Variants in KLHL1 observed in about 807,000 individuals in gnomAD.
KLHL1 encodes the protein kelch-like protein 1.
KLHL1 carries 47 observed loss-of-function variants against 77.7 expected under a neutral mutation model. That is an observed-to-expected ratio of 0.60 (90% CI 0.48 to 0.77). The LOEUF (loss-of-function observed/expected upper bound fraction) is 0.77, where lower values mean the gene tolerates loss of function less well. Among genes scored for constraint, KLHL1 ranks in the 30% least tolerant of loss-of-function variants. The probability of loss-of-function intolerance (pLI) is 0.00; values close to 1 mark genes in which losing one functional copy is unlikely to be tolerated. For missense variants in KLHL1, 925 were observed against 910.8 expected, an observed-to-expected ratio of 1.02 and a Z score of -0.20; for synonymous variants, 360 against 325.2, an observed-to-expected ratio of 1.11 and a Z score of -1.15.
At chr13:69,956,593 G>C (rs17085765) in intron 3 of KLHL1, among the ~76,000 whole-genome samples, 19,415 of 151,262 alleles carry the variant, frequency 0.13, 1,938 homozygotes, top group East Asian at 0.29. Context: ...CCCTATAAAA[G>C]TACACAAATC....
Position 69,807,746 on chromosome 13 carries a change from C to T in KLHL1, c.1415-10784G>A, listed in dbSNP as rs536801328. On this transcript the variant is annotated intron_variant, in intron 6 of 10. Transcript: ENST00000377844. The stretch of plus-strand genomic sequence containing the variant: ...ATGAGTGGTGTGTGTGGAGAGTGCC[C>T]AGCAGCTGGCACTGGAATTAGACTC... 1.6e-4 allele frequency among the ~76,000 whole-genome samples: 24 copies of T among 152,182 alleles called. No homozygotes were observed. The South Asian group carries it at 2.7e-3, about 17-fold the overall frequency.
intron 1 of KLHL1, among the ~76,000 whole-genome samples, chr13:70,034,353 C>T (rs943630740): frequency 5.3e-5 from 8 of 152,106 alleles, no homozygotes; most frequent in Non-Finnish European, 1.2e-4. Flanking sequence ...TTCCCTATTC[C>T]AAACTAGATT....
intron 5 of KLHL1, among the ~76,000 whole-genome samples, chr13:69,856,049 T>G (rs1879907130): frequency 6.6e-6 from 1 of 150,940 alleles, no homozygotes; most frequent in Non-Finnish European, 1.5e-5. Context: ...GGGCCTGTCA[T>G]GTCTCTGCCC....
intron 3 of KLHL1, among the ~76,000 whole-genome samples, chr13:69,951,003 G>A (rs1384295200): frequency 6.6e-6 from 1 of 151,514 alleles, no homozygotes; most frequent in Admixed American, 6.6e-5. Flanking sequence ...TGAAATATTT[G>A]TCTCAGATTT....
chr13:69,861,863 T>A (rs1022526454), intron 5 of KLHL1, among the ~76,000 whole-genome samples: 1 of 146,982 alleles, frequency 6.8e-6, no homozygotes, highest in South Asian at 2.1e-4. Flanking sequence ...TACTCAGGAG[T>A]CTGAGGCAGG....
intron 4 of KLHL1, among the ~76,000 whole-genome samples, chr13:69,887,412 G>T (rs978293409): frequency 6.6e-6 from 1 of 152,052 alleles, no homozygotes; most frequent in Non-Finnish European, 1.5e-5. Context: ...TTTTACAACA[G>T]GGCCAGGCTG....
intron 3 of KLHL1, among the ~76,000 whole-genome samples, chr13:69,956,232 A>T (rs1883885034): frequency 6.8e-6 from 1 of 147,926 alleles, no homozygotes; most frequent in African/African-American, 2.5e-5. Flanking sequence ...GATAACAAAA[A>T]GTTGTATTTA....
intron 1 of KLHL1, among the ~76,000 whole-genome samples, chr13:70,039,009 CT>C (rs1886307166): frequency 6.7e-6 from 1 of 149,124 alleles, no homozygotes; most frequent in Non-Finnish European, 1.5e-5. Context: ...ATTTTTATAT[CT>C]TTTCATGTTA....
At chr13:69,784,749 C>A (rs1198315134) in intron 7 of KLHL1, among the ~76,000 whole-genome samples, 1 of 151,738 alleles carries the variant, frequency 6.6e-6, no homozygotes, top group Non-Finnish European at 1.5e-5. Flanking sequence ...GACTTTAACA[C>A]CCCACTGTCA....
rs780614940 is a variant in KLHL1, at chr13:70,107,403, A to T, written c.297T>A (p.Val99=). Residue 99 remains valine, a synonymous_variant, in exon 1 of 11, where the codon GTT becomes GTA. Transcript: ENST00000377844. The part of the protein sequence containing the change: ...FNPLNGTLLP[V]ATRLQQGAPG... ...GAGCCCCTTGCTGCAGCCTCGTGGC[A>T]ACTGGAAGCAGGGTGCCATTCAGCG... 1 of 1,614,142 alleles carries T rather than the reference A, an allele frequency of 6.2e-7. No individual in the cohort carries two copies. Among genetic ancestry groups the T allele is most frequent in the Non-Finnish European group, 8.5e-7 (1 of 1,180,014 alleles).
At chr13:69,985,633 G>C (rs1281602921) in intron 1 of KLHL1, among the ~76,000 whole-genome samples, 1 of 151,244 alleles carries the variant, frequency 6.6e-6, no homozygotes, top group Non-Finnish European at 1.5e-5. Context: ...CCACTACAGG[G>C]TATATGCCCA....
At chr13:69,897,366 A>C (rs1025893259) in intron 4 of KLHL1, among the ~76,000 whole-genome samples, 26 of 152,178 alleles carry the variant, frequency 1.7e-4, no homozygotes, top group African/African-American at 6.0e-4. Flanking sequence ...ATTGGATTAA[A>C]TGATGCTTTC....
At chr13:69,789,715 T>C (rs1434139812) in intron 7 of KLHL1, among the ~76,000 whole-genome samples, 1 of 152,202 alleles carries the variant, frequency 6.6e-6, no homozygotes, top group Non-Finnish European at 1.5e-5. Flanking sequence ...TATTTCACTA[T>C]TGATGACAAT....
chr13:69,926,295 C>T (rs1882811002), intron 4 of KLHL1, among the ~76,000 whole-genome samples: 1 of 151,872 alleles, frequency 6.6e-6, no homozygotes, highest in Non-Finnish European at 1.5e-5. Flanking sequence ...TATTATATAG[C>T]TTAAGTTATT....
chr13:69,757,735 T>G (rs1210606967), intron 7 of KLHL1, among the ~76,000 whole-genome samples: 1 of 152,074 alleles, frequency 6.6e-6, no homozygotes, highest in African/African-American at 2.4e-5. Flanking sequence ...GAGGATCACC[T>G]GAGGTCAGGA....
At chr13:69,704,429 A>G (rs1305949813) in intron 10 of KLHL1, among the ~76,000 whole-genome samples, 1 of 151,592 alleles carries the variant, frequency 6.6e-6, no homozygotes, top group African/African-American at 2.4e-5. Flanking sequence ...AAACTTAACA[A>G]TTCTGTTTCT....
At chr13:69,943,309 T>C (rs1379409627) in intron 3 of KLHL1, among the ~76,000 whole-genome samples, 5 of 152,008 alleles carry the variant, frequency 3.3e-5, no homozygotes, top group Non-Finnish European at 5.9e-5. Flanking sequence ...TATGACAACA[T>C]GGTTAATAGA....
chr13:69,934,966 A>ATATATATATATATATATG (rs1555282459), intron 4 of KLHL1, among the ~76,000 whole-genome samples: 4 of 49,364 alleles, frequency 8.1e-5, no homozygotes, highest in African/African-American at 2.2e-4. Flanking sequence ...GCATGTGTAT[A>ATATATATATATATATATG]TATATATATA....
At chr13:69,779,014 G>A (rs1169454617) in intron 7 of KLHL1, among the ~76,000 whole-genome samples, 1 of 151,826 alleles carries the variant, frequency 6.6e-6, no homozygotes, top group Non-Finnish European at 1.5e-5. Context: ...TAGTCAGGAT[G>A]GTCTCCATCT....
Sources: gnomAD v4.1 joint callset for allele counts (sites outside exome capture counted in the v4.1 genomes callset) on GRCh38, gnomAD v4.1.1 for gene constraint, MANE v1.5 for transcripts, NCBI Gene and HGNC (gene_info 2026-07-23, HGNC 2026-07-21) for gene names.